The following EPX variants were observed in gnomAD, a reference collection of about 807,000 sequenced individuals.
EPX encodes eosinophil peroxidase.
Under a neutral mutation model 73.0 loss-of-function variants are expected in EPX, and 60 were observed. The observed-to-expected ratio is 0.82, with a 90% confidence interval of 0.67 to 1.02. The LOEUF is 1.02. Among genes scored for constraint, EPX ranks in the 50% least tolerant of loss-of-function variants. The probability of loss-of-function intolerance (pLI) is 0.00; values close to 1 mark genes in which losing one functional copy is unlikely to be tolerated. For missense variants in EPX, 950 were observed against 973.9 expected, an observed-to-expected ratio of 0.98 and a Z score of 0.33; for synonymous variants, 347 against 389.2, an observed-to-expected ratio of 0.89 and a Z score of 1.28.
intron 10 of EPX, among the ~76,000 whole-genome samples, chr17:58,201,680 A>AT (rs1968343365): frequency 6.6e-6 from 1 of 152,132 alleles, no homozygotes; most frequent in South Asian, 2.1e-4. Context: ...CCAGCAGGAT[A>AT]TGATAGGGAT....
chr17:58,202,152 T>C (rs1030278127), intron 10 of EPX, among the ~76,000 whole-genome samples: 11 of 152,174 alleles, frequency 7.2e-5, no homozygotes, highest in Non-Finnish European at 2.9e-5. Context: ...ATTCACCCAA[T>C]AGTGCTCAGT....
At position 58,193,537 on chromosome 17, in the gene EPX, A is replaced by G. The variant is rs780391393; in HGVS notation, c.337A>G (p.Asn113Asp). The change falls in exon 3 of 13, where the codon AAT becomes GAT. Residue 113 changes from asparagine to aspartate, a missense_variant. Coordinates refer to ENST00000225371, the MANE Select transcript of EPX (RefSeq NM_000502.6). ...KLQPQRSGPF[N>D]VTDVLTEPQL... ...ACAACCCCAGCGGTCCGGACCCTTC[A>G]ATGTCACTGGTACTCTGATCCCCAC... 1 of 1,614,052 alleles carries G rather than the reference A, an allele frequency of 6.2e-7. No homozygotes were observed. The highest frequency in any genetic ancestry group is 2.2e-5 in the East Asian group (1 of 44,878).
Position 58,203,402 on chromosome 17 carries a change from A to G in EPX, c.1946+84A>G, listed in dbSNP as rs905839132. 5.4e-6 allele frequency: 5 copies of G among 925,990 alleles called. No individual in the cohort carries two copies. In the East Asian group the frequency reaches 9.6e-5, roughly 18 times the overall value. The allele number at this position is 925,990 out of a possible 1,614,324, so 57.4% of individuals were successfully genotyped here. ...ATTTCAAGACTAAACATTGAAGAACACTGCTCTTTTTAGTATCATTTCTTC... is the reference window on the plus strand; with the variant it reads ...ATTTCAAGACTAAACATTGAAGAACGCTGCTCTTTTTAGTATCATTTCTTC... On this transcript the variant is annotated intron_variant, in intron 11 of 12. Coordinates refer to ENST00000225371, the MANE Select transcript of EPX (RefSeq NM_000502.6).
At chr17:58,202,667 A>C (rs1258410626) in intron 10 of EPX, 1 of 279,214 alleles carries the variant, frequency 3.6e-6, no homozygotes, top group Non-Finnish European at 7.0e-6. Flanking sequence ...ATTGCTCTCC[A>C]TTTGTTTGCT....
rs761006360 is a variant in EPX, at chr17:58,199,030, G to T, written c.1121-10G>T. 18 of 1,613,116 alleles carry T rather than the reference G, an allele frequency of 1.1e-5. No individual in the cohort carries two copies. The East Asian group carries it at 3.8e-4, about 34-fold the overall frequency. ...AAGGCTGCAGTAAATCTGAGCTTGG[G>T]GTTTTCAAGGTGACACCCGATCAAC... On this transcript the variant is annotated splice_polypyrimidine_tract_variant and intron_variant, in intron 7 of 12. Transcript: ENST00000225371.
At chr17:58,199,849 C>T (rs1968316256) in intron 9 of EPX, 55 bp downstream of exon 9, 1 of 1,575,248 alleles carries the variant, frequency 6.3e-7, no homozygotes, top group Non-Finnish European at 8.7e-7. Context: ...CATGCCCTCC[C>T]CTAGGTGGGC....
Position 58,204,212 on chromosome 17 carries a change from T to A in EPX, c.1947-10T>A. On this transcript the variant is annotated splice_polypyrimidine_tract_variant and intron_variant, in intron 11 of 12. Coordinates refer to ENST00000225371, the MANE Select transcript of EPX (RefSeq NM_000502.6). ...CCAGCCTTCACCCACATCTCTCGAC[T>A]GCCTGGTAGGTTCTGGTGGCAGAAA... 6.2e-7 allele frequency: 1 copy of A among 1,610,900 alleles called. No homozygotes were observed. Among genetic ancestry groups the A allele is most frequent in the Non-Finnish European group, 8.5e-7 (1 of 1,177,070 alleles).
At position 58,197,113 on chromosome 17, in the gene EPX, C is replaced by T. The variant is rs761941430; in HGVS notation, c.976C>T (p.Arg326Cys). The change falls in exon 7 of 13, where the codon CGC (arginine) becomes TGC (cysteine). Residue 326 changes from arginine to cysteine, a missense_variant. Arg to Cys is a radical substitution (Grantham distance 180, BLOSUM62 -3). Transcript: ENST00000225371. ...TGAGGTCTCCCTCTCGCTGCGGCTC[C>T]GCAACCGGACCAACTACCTGGGGCT... Reference protein sequence around the residue: ...GSEVSLSLRLRNRTNYLGLLA... With the variant: ...GSEVSLSLRLCNRTNYLGLLA... 21 of 1,614,108 alleles carry T rather than the reference C, an allele frequency of 1.3e-5. No individual in the cohort carries two copies. Among genetic ancestry groups the T allele is most frequent in the African/African-American group, 1.1e-4 (8 of 74,936 alleles).
Position 58,203,303 on chromosome 17 carries a change from C to T in EPX, c.1931C>T (p.Ala644Val), listed in dbSNP as rs1395216959. The change falls in exon 11 of 13, where the codon GCC (alanine) becomes GTC (valine). Residue 644 changes from alanine (A) to valine (V), a missense_variant. By Grantham distance (64) the Ala-to-Val change is moderately conservative. Coordinates refer to ENST00000225371, the MANE Select transcript of EPX (RefSeq NM_000502.6). ...CTGTTCGAGAACCAGTTCAGAAGAG[C>T]CCGAGACGGAGACAGGTAAGTGACC... is the stretch of plus-strand genomic sequence containing the variant. The part of the protein sequence containing the change: ...ACLFENQFRR[A>V]RDGDRFWWQK... 1 of 1,612,650 alleles carries T rather than the reference C, an allele frequency of 6.2e-7. No individual in the cohort carries two copies. The highest frequency in any genetic ancestry group is 8.5e-7 in the Non-Finnish European group (1 of 1,178,810).
At chr17:58,194,484 G>GAT (rs1185847737) in intron 5 of EPX, among the ~76,000 whole-genome samples, 1 of 151,948 alleles carries the variant, frequency 6.6e-6, no homozygotes, top group African/African-American at 2.4e-5. Context: ...GTTTTCTATT[G>GAT]ATATATCGAT....
intron 11 of EPX, among the ~76,000 whole-genome samples, 196 bp downstream of exon 11, chr17:58,203,514 T>C (rs1289899086): frequency 6.6e-6 from 1 of 152,160 alleles, no homozygotes; most frequent in Non-Finnish European, 1.5e-5. Flanking sequence ...AAGGCCCATA[T>C]TGCCTGAGCT....
Position 58,193,829 on chromosome 17 carries a change from C to A in EPX, c.462C>A (p.Asn154Lys). 1.2e-6 allele frequency: 2 copies of A among 1,610,892 alleles called. No individual in the cohort carries two copies. Among genetic ancestry groups the A allele is most frequent in the Non-Finnish European group, 1.7e-6 (2 of 1,177,238 alleles). Residue 154 changes from asparagine to lysine, a missense_variant and splice_region_variant, in exon 4 of 13, where the codon AAC (asparagine) becomes AAA (lysine). Transcript: ENST00000225371. Reference sequence around the variant, plus strand: ...GCACCATCACTGGACGGTGCAACAACAAGTGCGTGCGGGGCGGCAGGAGGG... The same window carrying A: ...GCACCATCACTGGACGGTGCAACAAAAAGTGCGTGCGGGGCGGCAGGAGGG... ...KYRTITGRCNNKRRPLLGASN... is the reference protein window; with the variant it reads ...KYRTITGRCNKKRRPLLGASN...
intron 5 of EPX, 151 bp from the exon 6 acceptor site, chr17:58,194,813 C>T (rs753425794): frequency 1.5e-4 from 107 of 704,272 alleles, no homozygotes; most frequent in African/African-American, 1.2e-3. Flanking sequence ...GAGGTGGCTA[C>T]GCCTCCAGGG....
chr17:58,197,189 T>G lies in EPX; in HGVS notation c.1052T>G (p.Phe351Cys). 1.2e-6 allele frequency: 2 copies of G among 1,613,878 alleles called. No homozygotes were observed. The highest frequency in any genetic ancestry group is 8.5e-7 in the Non-Finnish European group (1 of 1,180,014). ...FQDNGRALLP[F>C]DNLHDDPCLL... ...GACAACGGCCGGGCCCTGCTGCCCTTCGACAACCTGCACGATGACCCCTGT... is the reference window on the plus strand; with the variant it reads ...GACAACGGCCGGGCCCTGCTGCCCTGCGACAACCTGCACGATGACCCCTGT... Residue 351 changes from phenylalanine to cysteine, a missense_variant, in exon 7 of 13, where the codon TTC (phenylalanine) becomes TGC (cysteine). Physicochemically the swap from Phe to Cys is radical, Grantham distance 205. Transcript: ENST00000225371.
In EPX at chr17:58,199,812, G is replaced by C. The variant is rs995260689; in HGVS notation, c.1537+18G>C. The C allele has an allele frequency of 1.2e-6, 2 of 1,607,150 alleles. No homozygotes were observed. Among genetic ancestry groups the C allele is most frequent in the Admixed American group, 3.3e-5 (2 of 59,912 alleles). On this transcript the variant is annotated intron_variant, in intron 9 of 12. Coordinates refer to ENST00000225371, the MANE Select transcript of EPX (RefSeq NM_000502.6). Reference sequence around the variant, plus strand: ...GTATGAAGGTGACCAGGTTTTCCAGGGGGCAAATGGGGGTGAGGGTGGGGA... The same window carrying C: ...GTATGAAGGTGACCAGGTTTTCCAGCGGGCAAATGGGGGTGAGGGTGGGGA...
Position 58,192,846 on chromosome 17 carries a change from G to A in EPX, c.-1G>A. 6.2e-7 allele frequency: 1 copy of A among 1,613,822 alleles called. No homozygotes were observed. Among genetic ancestry groups the A allele is most frequent in the Non-Finnish European group, 8.5e-7 (1 of 1,179,830 alleles). On this transcript the variant is annotated 5_prime_UTR_variant, in exon 1 of 13. Transcript: ENST00000225371. ...CCAGCTGGTGAAGCCTCGCTGCAGA[G>A]ATGCATCTGCTCCCAGCCCTGGCAG...
chr17:58,203,824 T>C (rs1025106732), intron 11 of EPX, among the ~76,000 whole-genome samples: 3 of 147,252 alleles, frequency 2.0e-5, no homozygotes, highest in Non-Finnish European at 4.5e-5. Context: ...CCCGGCTACT[T>C]GGGAGGCTGA....
chr17:58,195,141 GC>G lies in EPX; in HGVS notation c.775del (p.Gln259SerfsTer144). The G allele has an allele frequency of 6.2e-7, 1 of 1,613,948 alleles. No homozygotes were observed. The highest frequency in any genetic ancestry group is 1.7e-5 in the Admixed American group (1 of 60,020). On this transcript the variant is annotated frameshift_variant, in exon 6 of 13. Coordinates refer to ENST00000225371, the MANE Select transcript of EPX (RefSeq NM_000502.6). LOFTEE classifies it high-confidence loss of function. The part of the protein sequence containing the change: ...TAGVDCERTC[A>X]QLPPCFPIKI... ...AGGCGTTGACTGTGAGAGGACCTGC[GC>G]CCAGCTGCCCCCCTGCTTTCCCATC...
chr17:58,200,594 A>G (rs1165860338), intron 10 of EPX, among the ~76,000 whole-genome samples, 199 bp downstream of exon 10: 3 of 152,114 alleles, frequency 2.0e-5, no homozygotes, highest in African/African-American at 7.2e-5. Context: ...TCCCCCATCC[A>G]CTGTAGGGGC....
Sources: allele counts gnomAD v4.1 joint callset (sites outside exome capture counted in the v4.1 genomes callset), GRCh38; gene constraint gnomAD v4.1.1; transcripts MANE v1.5; gene names NCBI Gene and HGNC (gene_info 2026-07-23, HGNC 2026-07-21).